The following AFF1 variants were observed in gnomAD, a reference collection of about 807,000 sequenced individuals.
The protein encoded by AFF1 is ALF transcription elongation factor 1.
AFF1 carries 48 observed loss-of-function variants against 121.7 expected under a neutral mutation model. The ratio of observed to expected loss-of-function variants is 0.39; its 90% CI spans 0.31 to 0.50. AFF1 has a LOEUF of 0.50. Among genes scored for constraint, AFF1 ranks in the 20% least tolerant of loss-of-function variants. AFF1 has a pLI of 0.76. For missense variants in AFF1, 1,523 were observed against 1,511.7 expected (o/e 1.01, Z -0.12); for synonymous variants, 613 against 563.0 (o/e 1.09, Z -1.26).
intron 2 of AFF1, among the ~76,000 whole-genome samples, chr4:87,015,612 G>C (rs911080794): frequency 6.6e-6 from 1 of 152,182 alleles, no homozygotes; most frequent in African/African-American, 2.4e-5. Context: ...TGCTGATGGT[G>C]TGAGTTTTTT....
At chr4:87,000,837 G>T (rs1027210962) in intron 2 of AFF1, among the ~76,000 whole-genome samples, 3 of 152,062 alleles carry the variant, frequency 2.0e-5, no homozygotes, top group African/African-American at 7.2e-5. Flanking sequence ...AAGAGGTAAA[G>T]TTGAGCAGTA....
rs150927465 is a variant in AFF1 at position 87,116,229 on chromosome 4, C to G, written c.2466+930C>G. On this transcript the variant is annotated intron_variant, in intron 12 of 20. Coordinates refer to ENST00000395146, the MANE Select transcript of AFF1 (RefSeq NM_001166693.3). ...TTATTTATTATAATTTTGGAAGATT[C>G]TTTTGGATACAGAATGGACAGAGTA... Among the ~76,000 whole-genome samples, 42 of 152,264 alleles carry G rather than the reference C, an allele frequency of 2.8e-4. 1 individual carries two copies. The highest frequency in any genetic ancestry group is 8.9e-4 in the African/African-American group (37 of 41,542).
At chr4:87,001,932 C>T (rs1005445496) in intron 2 of AFF1, among the ~76,000 whole-genome samples, 3 of 152,142 alleles carry the variant, frequency 2.0e-5, no homozygotes, top group African/African-American at 7.2e-5. Flanking sequence ...AACATCATTC[C>T]ATTGAAATGA....
chr4:87,036,854 A>ACGG, intron 2 of AFF1: 2 of 446,212 alleles, frequency 4.5e-6, no homozygotes, highest in Non-Finnish European at 8.6e-6. Context: ...TTTTTTTGAG[A>ACGG]CGGCTTCTTG....
intron 1 of AFF1, among the ~76,000 whole-genome samples, chr4:86,945,313 C>G (rs1024351208): frequency 9.2e-6 from 1 of 108,834 alleles, no homozygotes; most frequent in Non-Finnish European, 1.9e-5. Flanking sequence ...TCCTTATTTT[C>G]TTTTCCTTTT....
chr4:86,952,107 A>G (rs931068661), intron 2 of AFF1, among the ~76,000 whole-genome samples: 1 of 152,048 alleles, frequency 6.6e-6, no homozygotes, highest in Non-Finnish European at 1.5e-5. Context: ...GTTTCACTGT[A>G]TCTTTATATG....
intron 4 of AFF1, among the ~76,000 whole-genome samples, chr4:87,074,301 C>T (rs2149684399): frequency 6.6e-6 from 1 of 151,612 alleles, no homozygotes; most frequent in South Asian, 2.1e-4. Flanking sequence ...CTTTGTGATG[C>T]CTTTAAAAAA....
intron 2 of AFF1, among the ~76,000 whole-genome samples, chr4:87,007,799 G>T (rs1398741946): frequency 6.6e-6 from 1 of 152,094 alleles, no homozygotes; most frequent in African/African-American, 2.4e-5. Context: ...CTGTTGTCTC[G>T]AGGGGAAGTT....
At chr4:86,961,475 G>C (rs1437672671) in intron 2 of AFF1, among the ~76,000 whole-genome samples, 2 of 151,900 alleles carry the variant, frequency 1.3e-5, no homozygotes, top group Admixed American at 1.3e-4. Context: ...ATAAAAAGTT[G>C]TTCCTGGGAG....
At chr4:87,093,534 G>C (rs927451928) in intron 7 of AFF1, among the ~76,000 whole-genome samples, 1 of 152,102 alleles carries the variant, frequency 6.6e-6, no homozygotes. Context: ...ATTTTACTTG[G>C]ATGCCCTAGT....
chr4:87,109,219 CT>C (rs1459843035), intron 11 of AFF1, among the ~76,000 whole-genome samples: 1 of 152,042 alleles, frequency 6.6e-6, no homozygotes, highest in Non-Finnish European at 1.5e-5. Context: ...ATTAAAAAGC[CT>C]TCTGTATTTG....
intron 2 of AFF1, among the ~76,000 whole-genome samples, chr4:86,970,227 C>G: frequency 6.6e-6 from 1 of 152,060 alleles, no homozygotes; most frequent in African/African-American, 2.4e-5. Flanking sequence ...GTGGCTCACA[C>G]TTGTAATCCC....
At chr4:86,952,656 A>G (rs1020984588) in intron 2 of AFF1, among the ~76,000 whole-genome samples, 5 of 147,070 alleles carry the variant, frequency 3.4e-5, no homozygotes, top group Admixed American at 1.4e-4. Context: ...CAGGACTTAA[A>G]GTAAAAAAAA....
chr4:86,983,668 C>T (rs1723960346), intron 2 of AFF1, among the ~76,000 whole-genome samples: 1 of 151,882 alleles, frequency 6.6e-6, no homozygotes, highest in African/African-American at 2.4e-5. Context: ...GAGATGGCGC[C>T]TCTGCACTCT....
chr4:87,070,919 G>A (rs1275347338), intron 4 of AFF1, among the ~76,000 whole-genome samples: 2 of 152,160 alleles, frequency 1.3e-5, no homozygotes, highest in African/African-American at 4.8e-5. Flanking sequence ...TACTCCCCAG[G>A]AGACAGGAAT....
intron 2 of AFF1, among the ~76,000 whole-genome samples, chr4:87,006,574 C>G (rs1027446364): frequency 6.6e-6 from 1 of 152,150 alleles, no homozygotes; most frequent in African/African-American, 2.4e-5. Flanking sequence ...CCAAGTATGC[C>G]CGTTTCTTGA....
rs12651081 is a variant in AFF1 at position 86,963,614 on chromosome 4, G to T, written c.38+15043G>T. The stretch of plus-strand genomic sequence containing the variant: ...AACCTTATAAAGATCTTATAGGGTA[G>T]GTCAGGCAGATAGTTCCATTTGAAG... On this transcript the variant is annotated intron_variant, in intron 2 of 20. Transcript: ENST00000395146. 1.3e-5 allele frequency among the ~76,000 whole-genome samples: 2 copies of T among 151,924 alleles called. 1 individual carries two copies. The highest frequency in any genetic ancestry group is 3.9e-4 in the East Asian group (2 of 5,178).
At chr4:86,939,124 AAGAAAG>A (rs75640408) in intron 1 of AFF1, among the ~76,000 whole-genome samples, 23,859 of 152,072 alleles carry the variant, frequency 0.16, 2,114 homozygotes, top group East Asian at 0.29. Flanking sequence ...TAACATGATC[AAGAAAG>A]AGAAAGGGCC....
chr4:86,959,054 A>G (rs1337203165), intron 2 of AFF1, among the ~76,000 whole-genome samples: 2 of 152,238 alleles, frequency 1.3e-5, no homozygotes, highest in Non-Finnish European at 2.9e-5. Context: ...AGTAGAGGCC[A>G]GGGATGTTAT....
Sources: gnomAD v4.1 joint callset for allele counts (sites outside exome capture counted in the v4.1 genomes callset) on GRCh38, gnomAD v4.1.1 for gene constraint, MANE v1.5 for transcripts, NCBI Gene and HGNC (gene_info 2026-07-23, HGNC 2026-07-21) for gene names.